The following GRIK1 variants were observed in gnomAD, a reference collection of about 807,000 sequenced individuals.
The protein encoded by GRIK1 is glutamate ionotropic receptor kainate type subunit 1.
In GRIK1, 69 loss-of-function variants were observed where a neutral mutation model predicts 105.7. The observed-to-expected ratio is 0.65, with a 90% CI of 0.54 to 0.80. The LOEUF is 0.80. Ranked by LOEUF, GRIK1 falls within the 30% of genes least tolerant of loss-of-function variation. GRIK1 has a pLI of 0.00. For synonymous variants in GRIK1, 438 were observed against 431.3 expected (o/e 1.02, Z -0.19); for missense variants, 1,109 against 1,167.3 (o/e 0.95, Z 0.73).
chr21:29,829,344 C>T (rs896774644), intron 1 of GRIK1, among the ~76,000 whole-genome samples: 1 of 152,124 alleles, frequency 6.6e-6, no homozygotes. Flanking sequence ...GAATGTATCT[C>T]AGCTAACTTT....
intron 1 of GRIK1, among the ~76,000 whole-genome samples, chr21:29,870,852 T>C (rs536209353): frequency 3.2e-4 from 48 of 152,218 alleles, no homozygotes; most frequent in African/African-American, 1.1e-3. Context: ...CCACTAACAA[T>C]GGGCTCACGG....
At chr21:29,650,764 A>G (rs533600441) in intron 6 of GRIK1, among the ~76,000 whole-genome samples, 2 of 152,310 alleles carry the variant, frequency 1.3e-5, no homozygotes, top group East Asian at 3.9e-4. Flanking sequence ...TCGGTTCTGC[A>G]AAACTCACAG....
At chr21:29,891,291 G>T (rs2832478) in intron 1 of GRIK1, among the ~76,000 whole-genome samples, 72,299 of 152,050 alleles carry the variant, frequency 0.48, 20,725 homozygotes, top group Non-Finnish European at 0.63. Context: ...GTATCATCGA[G>T]AATCTCACGC....
rs2090428745 is a variant in GRIK1 at position 29,560,503 on chromosome 21, C to CTTT, written c.2356+1120_2356+1121insAAA. On this transcript the variant is annotated intron_variant, in intron 15 of 17. Coordinates refer to ENST00000327783, the MANE Select transcript of GRIK1 (RefSeq NM_001330994.2). ...TCTCCCTTTCTTTCTTTCTTTCCTTCCTTCCTTCCTTCCTTCCTTTCTTTC... is the reference window on the plus strand; with the variant it reads ...TCTCCCTTTCTTTCTTTCTTTCCTTCTTTCTTCCTTCCTTCCTTCCTTTCTTTC... Among the ~76,000 whole-genome samples the CTTT allele has an allele frequency of 1.4e-3, 22 of 15,630 alleles. 3 individuals are homozygous for CTTT. Among genetic ancestry groups the CTTT allele is most frequent in the East Asian group, 9.4e-3 (4 of 426 alleles). The allele number at this position is 15,630 out of a possible 152,430, so 10.3% of individuals were successfully genotyped here. A position where few individuals can be genotyped will look rare whatever the true frequency, so the allele number is the denominator to read the frequency against.
chr21:29,793,966 A>T (rs1012488872), intron 1 of GRIK1, among the ~76,000 whole-genome samples: 1 of 152,198 alleles, frequency 6.6e-6, no homozygotes, highest in Non-Finnish European at 1.5e-5. Flanking sequence ...CCAAATTATG[A>T]CAATTATTTT....
chr21:29,707,587 C>T (rs961232573), intron 1 of GRIK1, among the ~76,000 whole-genome samples: 2 of 151,848 alleles, frequency 1.3e-5, no homozygotes, highest in Admixed American at 6.6e-5. Flanking sequence ...CCTCTGCCTC[C>T]TGGGTTCCAG....
At chr21:29,564,252 A>T (rs997844842) in intron 14 of GRIK1, among the ~76,000 whole-genome samples, 1 of 151,742 alleles carries the variant, frequency 6.6e-6, no homozygotes, top group Non-Finnish European at 1.5e-5. Flanking sequence ...GGTTCACGCC[A>T]TTCTCCTGCC....
At chr21:29,705,814 T>C (rs2063893464) in intron 1 of GRIK1, among the ~76,000 whole-genome samples, 1 of 152,146 alleles carries the variant, frequency 6.6e-6, no homozygotes, top group Admixed American at 6.5e-5. Flanking sequence ...TGCATGTCCA[T>C]GACATTTAAT....
chr21:29,637,614 G>A (rs2062423748), intron 7 of GRIK1, among the ~76,000 whole-genome samples: 1 of 152,200 alleles, frequency 6.6e-6, no homozygotes, highest in Non-Finnish European at 1.5e-5. Context: ...ACCATGTGAG[G>A]ACAAAGTGCA....
chr21:29,610,780 A>G (rs2061714914), intron 7 of GRIK1, among the ~76,000 whole-genome samples: 1 of 152,178 alleles, frequency 6.6e-6, no homozygotes, highest in Non-Finnish European at 1.5e-5. Context: ...CCTTGGAATA[A>G]AAAAGCCAGT....
chr21:29,935,310 C>T (rs1399138694), intron 1 of GRIK1, among the ~76,000 whole-genome samples: 1 of 152,144 alleles, frequency 6.6e-6, no homozygotes, highest in Non-Finnish European at 1.5e-5. Flanking sequence ...ATTGCAATTG[C>T]CAGAATGCAA....
intron 7 of GRIK1, among the ~76,000 whole-genome samples, chr21:29,637,351 T>C (rs1348478688): frequency 2.0e-5 from 3 of 152,238 alleles, no homozygotes; most frequent in African/African-American, 7.2e-5. Context: ...GAACCTAATC[T>C]GGACACAGCG....
intron 1 of GRIK1, among the ~76,000 whole-genome samples, chr21:29,767,597 A>G (rs1312228312): frequency 6.6e-6 from 1 of 152,186 alleles, no homozygotes; most frequent in East Asian, 1.9e-4. Flanking sequence ...TGTGGGAGGA[A>G]GAAGTACCCC....
intron 1 of GRIK1, among the ~76,000 whole-genome samples, chr21:29,798,089 T>C (rs1448556635): frequency 6.6e-6 from 1 of 152,160 alleles, no homozygotes; most frequent in East Asian, 1.9e-4. Context: ...ACATGATGAG[T>C]CCTGAATACC....
chr21:29,689,037 C>T (rs2063535592), intron 3 of GRIK1, among the ~76,000 whole-genome samples: 1 of 151,882 alleles, frequency 6.6e-6, no homozygotes, highest in Non-Finnish European at 1.5e-5. Context: ...AATGGAGGGT[C>T]ACTGCCTGAC....
At chr21:29,659,358 C>G (rs959881622) in intron 4 of GRIK1, among the ~76,000 whole-genome samples, 6 of 152,142 alleles carry the variant, frequency 3.9e-5, no homozygotes, top group Non-Finnish European at 7.3e-5. Context: ...GTTTTCCCCC[C>G]CTACCTCTAA....
chr21:29,902,017 A>G (rs1486397942), intron 1 of GRIK1, among the ~76,000 whole-genome samples: 2 of 152,242 alleles, frequency 1.3e-5, no homozygotes, highest in Non-Finnish European at 2.9e-5. Flanking sequence ...AATGTAACCC[A>G]TCACATAAAC....
chr21:29,774,810 T>G (rs546891194), intron 1 of GRIK1, among the ~76,000 whole-genome samples: 2 of 152,304 alleles, frequency 1.3e-5, no homozygotes, highest in African/African-American at 4.8e-5. Context: ...GCTTTATGGA[T>G]GTGAGACCTG....
chr21:29,694,117 ATTTTTTTTTTTT>A (rs11434895), intron 1 of GRIK1, 54 bp from the exon 2 acceptor site: 3 of 435,182 alleles, frequency 6.9e-6, no homozygotes, highest in South Asian at 2.6e-5. Flanking sequence ...TTCACATGTA[ATTTTTTTTTTTT>A]TTTTTTTTTT....
Sources: allele counts gnomAD v4.1 joint callset (sites outside exome capture counted in the v4.1 genomes callset), GRCh38; gene constraint gnomAD v4.1.1; transcripts MANE v1.5; gene names NCBI Gene and HGNC (gene_info 2026-07-23, HGNC 2026-07-21).